The following MGAT4C variants were observed in gnomAD, a reference collection of about 807,000 sequenced individuals.
MGAT4C encodes MGAT4 family member C.
A neutral mutation model predicts 40.1 loss-of-function variants in MGAT4C; 19 were observed. The observed-to-expected ratio is 0.47, with a 90% CI of 0.33 to 0.70. The LOEUF (loss-of-function observed/expected upper bound fraction) is 0.70, where lower values mean the gene tolerates loss of function less well. MGAT4C is among the 30% of genes least tolerant of loss of function. MGAT4C has a pLI of 0.02. For missense variants in MGAT4C, 491 were observed against 563.2 expected, an observed-to-expected ratio of 0.87 and a Z score of 1.30; for synonymous variants, 181 against 187.1, an observed-to-expected ratio of 0.97 and a Z score of 0.27.
In MGAT4C at chr12:86,584,807, A is replaced by C. The variant is rs1482622976; in HGVS notation, c.-229+142402T>G. ...AGATTTCTGTCAACTTGATTGTTTA[A>C]ATAGATTTCATTATTTCAATCATCA... is the stretch of plus-strand genomic sequence containing the variant. On this transcript the variant is annotated intron_variant, in intron 2 of 7. Coordinates refer to the MGAT4C transcript ENST00000548651. Among the ~76,000 whole-genome samples the C allele has an allele frequency of 2.6e-5, 4 of 151,376 alleles. No homozygotes were observed. The East Asian group carries it at 5.8e-4, about 22-fold the overall frequency.
intron 2 of MGAT4C, among the ~76,000 whole-genome samples, chr12:86,666,270 G>T (rs1964103515): frequency 6.6e-6 from 1 of 152,050 alleles, no homozygotes; most frequent in African/African-American, 2.4e-5. Context: ...ATTACCCTAA[G>T]ACTTTTCTAT....
chr12:86,450,324 T>C (rs1324541688), intron 2 of MGAT4C, among the ~76,000 whole-genome samples: 1 of 152,194 alleles, frequency 6.6e-6, no homozygotes, highest in East Asian at 1.9e-4. Context: ...GTTAGTGAAG[T>C]GCTTAGTTTT....
chr12:86,391,485 A>G (rs1956158664), intron 3 of MGAT4C, among the ~76,000 whole-genome samples: 1 of 152,184 alleles, frequency 6.6e-6, no homozygotes, highest in Non-Finnish European at 1.5e-5. Flanking sequence ...GATAAAATGG[A>G]GGTGTGTGTG....
chr12:86,294,341 T>A (rs1953606425), intron 4 of MGAT4C, among the ~76,000 whole-genome samples: 1 of 142,502 alleles, frequency 7.0e-6, no homozygotes, highest in Admixed American at 7.3e-5. Flanking sequence ...GGAAAAGGTG[T>A]TATTCACACT....
chr12:86,398,062 C>T (rs369003895), intron 3 of MGAT4C, among the ~76,000 whole-genome samples: 1 of 152,158 alleles, frequency 6.6e-6, no homozygotes. Context: ...GGAACAACAA[C>T]AAACAGTATT....
intron 4 of MGAT4C, among the ~76,000 whole-genome samples, chr12:86,265,766 T>C (rs1057062145): frequency 1.1e-4 from 16 of 152,222 alleles, no homozygotes; most frequent in Admixed American, 6.5e-4. Context: ...TTAATGATAT[T>C]TGTGTTTCCA....
chr12:86,487,357 T>A (rs1958037440), intron 2 of MGAT4C, among the ~76,000 whole-genome samples: 1 of 152,174 alleles, frequency 6.6e-6, no homozygotes, highest in East Asian at 1.9e-4. Context: ...CCCTGGAAAT[T>A]GTTTTGCTCC....
chr12:86,475,193 A>G (rs1436193487), intron 2 of MGAT4C, among the ~76,000 whole-genome samples: 2 of 152,034 alleles, frequency 1.3e-5, no homozygotes, highest in East Asian at 3.9e-4. Flanking sequence ...CCTCAACTGC[A>G]AAATGGAAGG....
Position 86,492,428 on chromosome 12 carries a change from G to T in MGAT4C, c.-228-57163C>A, listed in dbSNP as rs564248874. Among the ~76,000 whole-genome samples the T allele has an allele frequency of 3.3e-3, 499 of 152,240 alleles. 2 individuals are homozygous for T. The highest frequency in any genetic ancestry group is 0.012 in the African/African-American group (482 of 41,544). On this transcript the variant is annotated intron_variant, in intron 2 of 7. Transcript: ENST00000548651. ...AATGTACAGTAACCAAAACAGCATGGTACTGGTACCAAAACAGAGATACAG... is the reference window on the plus strand; with the variant it reads ...AATGTACAGTAACCAAAACAGCATGTTACTGGTACCAAAACAGAGATACAG...
intron 4 of MGAT4C, among the ~76,000 whole-genome samples, chr12:86,277,187 T>C (rs766958526): frequency 1.7e-4 from 26 of 152,218 alleles, no homozygotes; most frequent in Non-Finnish European, 3.1e-4. Flanking sequence ...GTTGAGCACA[T>C]TTTTATATAC....
At chr12:86,433,584 C>G (rs1957083650) in intron 3 of MGAT4C, among the ~76,000 whole-genome samples, 1 of 151,812 alleles carries the variant, frequency 6.6e-6, no homozygotes, top group Admixed American at 6.6e-5. Flanking sequence ...CCCTCAGCTC[C>G]CCTTTAAACT....
At chr12:86,080,799 G>A (rs1308468515) in intron 1 of MGAT4C, among the ~76,000 whole-genome samples, 2 of 152,186 alleles carry the variant, frequency 1.3e-5, no homozygotes, top group East Asian at 1.9e-4. Flanking sequence ...GTTACCCCAT[G>A]AAGTTATCTT....
chr12:86,729,011 T>C (rs947150747), intron 1 of MGAT4C, among the ~76,000 whole-genome samples: 12 of 152,194 alleles, frequency 7.9e-5, no homozygotes, highest in Non-Finnish European at 1.3e-4. Context: ...CACTTAACTA[T>C]AACTCTTGAT....
intron 1 of MGAT4C, among the ~76,000 whole-genome samples, chr12:86,202,379 C>T (rs1665034750): frequency 1.3e-5 from 2 of 152,012 alleles, no homozygotes; most frequent in South Asian, 4.1e-4. Context: ...ATTAGAGTCT[C>T]ATTTTGGATT....
chr12:86,562,596 C>T (rs1959919433), intron 2 of MGAT4C, among the ~76,000 whole-genome samples: 1 of 152,146 alleles, frequency 6.6e-6, no homozygotes, highest in East Asian at 1.9e-4. Flanking sequence ...CCAGGCAAGA[C>T]AATGCTGATT....
chr12:86,780,994 C>G (rs1160162157), intron 1 of MGAT4C, among the ~76,000 whole-genome samples: 1 of 144,422 alleles, frequency 6.9e-6, no homozygotes, highest in African/African-American at 2.5e-5. Context: ...CGATTTCATT[C>G]CTTTTTATGG....
intron 1 of MGAT4C, among the ~76,000 whole-genome samples, chr12:86,066,762 A>T (rs1202380271): frequency 6.6e-6 from 1 of 152,148 alleles, no homozygotes; most frequent in Non-Finnish European, 1.5e-5. Context: ...CTTTTATCAG[A>T]GTGAACAGGC....
At chr12:86,526,333 T>A (rs1958882390) in intron 2 of MGAT4C, among the ~76,000 whole-genome samples, 1 of 151,928 alleles carries the variant, frequency 6.6e-6, no homozygotes, top group African/African-American at 2.4e-5. Context: ...GCTGCAGCAG[T>A]GGCAGGGCAG....
chr12:86,256,005 C>T (rs1363179251), intron 1 of MGAT4C, among the ~76,000 whole-genome samples: 2 of 152,038 alleles, frequency 1.3e-5, no homozygotes, highest in Non-Finnish European at 2.9e-5. Flanking sequence ...TTTTCTAAAG[C>T]GAAGCCGGAT....
Sources: gnomAD v4.1 joint callset for allele counts (sites outside exome capture counted in the v4.1 genomes callset) on GRCh38, gnomAD v4.1.1 for gene constraint, MANE v1.5 for transcripts, NCBI Gene and HGNC (gene_info 2026-07-23, HGNC 2026-07-21) for gene names.